FBXL5: variants seen among roughly 807,000 people sequenced by gnomAD.
FBXL5 encodes F-box/LRR-repeat protein 5.
In FBXL5, 26 loss-of-function variants were observed where a neutral mutation model predicts 78.3. The observed-to-expected ratio is 0.33, with a 90% CI of 0.24 to 0.46. The LOEUF is 0.46. Among genes scored for constraint, FBXL5 ranks in the 20% least tolerant of loss-of-function variants. FBXL5 has a pLI of 1.00. For synonymous variants in FBXL5, 295 were observed against 282.5 expected (o/e 1.04, Z -0.45); for missense variants, 710 against 829.2 (o/e 0.86, Z 1.77).
intron 10 of FBXL5, among the ~76,000 whole-genome samples, chr4:15,608,128 A>AT (rs1355060357): frequency 1.3e-5 from 2 of 152,102 alleles, no homozygotes; most frequent in Admixed American, 6.5e-5. Flanking sequence ...CTATAGTCCT[A>AT]TTTTTTTAAA....
intron 9 of FBXL5, among the ~76,000 whole-genome samples, chr4:15,621,602 C>CT (rs1454731301): frequency 2.0e-5 from 3 of 152,130 alleles, no homozygotes; most frequent in Non-Finnish European, 4.4e-5. Context: ...TTGAAACACA[C>CT]TAAGTGAAAT....
At chr4:15,615,913 C>A (rs537177072) in intron 9 of FBXL5, among the ~76,000 whole-genome samples, 1 of 152,112 alleles carries the variant, frequency 6.6e-6, no homozygotes, top group Non-Finnish European at 1.5e-5. Context: ...TTTGTTCTTT[C>A]GCTCTTTGCA....
intron 10 of FBXL5, among the ~76,000 whole-genome samples, chr4:15,606,930 T>C (rs1489406569): frequency 6.6e-6 from 1 of 152,220 alleles, no homozygotes; most frequent in East Asian, 1.9e-4. Flanking sequence ...AGTAAGCTAA[T>C]ACTACCATAA....
At chr4:15,664,194 A>C (rs1451934285), upstream of FBXL5, among the ~76,000 whole-genome samples, 1 of 152,142 alleles carries the variant, frequency 6.6e-6, no homozygotes, top group East Asian at 1.9e-4. Flanking sequence ...TATCTTAATA[A>C]GACACATAGT....
intron 1 of FBXL5, among the ~76,000 whole-genome samples, chr4:15,676,816 T>C (rs1211554975): frequency 2.0e-5 from 3 of 152,196 alleles, no homozygotes; most frequent in Non-Finnish European, 4.4e-5. Context: ...AAAGTATGAT[T>C]TTCAGTTCTG....
At chr4:15,660,923 A>G (rs1409119087), upstream of FBXL5, among the ~76,000 whole-genome samples, 1 of 152,044 alleles carries the variant, frequency 6.6e-6, no homozygotes, top group Non-Finnish European at 1.5e-5. Flanking sequence ...CTAAAAATAC[A>G]AAAATTAGCC....
At position 15,605,013 on chromosome 4, in the gene FBXL5, G is replaced by A. The variant is rs1721790910; in HGVS notation, c.*710C>T. On this transcript the variant is annotated 3_prime_UTR_variant, in exon 11 of 11. Coordinates refer to ENST00000341285, the MANE Select transcript of FBXL5 (RefSeq NM_012161.4). ...AATCACAACACAACAGTATTACTTG[G>A]TAAAGTCCTCAAAGTAGATTTTATT... 6.6e-6 allele frequency: 1 copy of A among 152,446 alleles called. No individual in the cohort carries two copies. The highest frequency in any genetic ancestry group is 2.1e-4 in the South Asian group (1 of 4,832). 9.4% of individuals were successfully genotyped at this position (152,446 alleles called of 1,614,324 possible).
intron 1 of FBXL5, among the ~76,000 whole-genome samples, chr4:15,677,443 C>T (rs185918653): frequency 1.2e-3 from 188 of 152,212 alleles, no homozygotes; most frequent in African/African-American, 4.3e-3. Flanking sequence ...CCCTAGGTAC[C>T]TTCAGGATGG....
At chr4:15,644,769 AT>A in intron 1 of FBXL5, 61 bp from the exon 2 acceptor site, 1 of 1,203,478 alleles carries the variant, frequency 8.3e-7, no homozygotes, top group East Asian at 2.5e-5. Context: ...CAAATAAAAA[AT>A]ATTCAAATAC....
intron 1 of FBXL5, among the ~76,000 whole-genome samples, chr4:15,650,657 CTTTCT>C (rs1171571383): frequency 6.0e-5 from 8 of 132,674 alleles, no homozygotes; most frequent in South Asian, 4.7e-4. Context: ...TTATAACTGA[CTTTCT>C]TTTTTTTTTT....
At chr4:15,610,312 T>G (rs1379055926) in intron 10 of FBXL5, among the ~76,000 whole-genome samples, 1 of 152,094 alleles carries the variant, frequency 6.6e-6, no homozygotes, top group Non-Finnish European at 1.5e-5. Flanking sequence ...TATGTGGAAC[T>G]CAGACACAAG....
intron 1 of FBXL5, among the ~76,000 whole-genome samples, chr4:15,649,291 T>C (rs555414477): frequency 2.4e-4 from 36 of 152,148 alleles, no homozygotes; most frequent in African/African-American, 8.7e-4. Context: ...GTTAAAAGAA[T>C]AACCAGGGCC....
chr4:15,674,762 G>A (rs1341873350), intron 1 of FBXL5, among the ~76,000 whole-genome samples: 4 of 151,404 alleles, frequency 2.6e-5, no homozygotes, highest in African/African-American at 9.7e-5. Context: ...CTATTCTCCT[G>A]CCTCAGCCTC....
At position 15,636,483 on chromosome 4, in the gene FBXL5, C is replaced by G; in HGVS notation, c.766+11G>C. 1.3e-6 allele frequency: 2 copies of G among 1,509,716 alleles called. No homozygotes were observed. The highest frequency in any genetic ancestry group is 1.8e-6 in the Non-Finnish European group (2 of 1,126,816). 93.5% of individuals were successfully genotyped at this position (1,509,716 alleles called of 1,614,324 possible). On this transcript the variant is annotated intron_variant, in intron 5 of 10. Coordinates refer to ENST00000341285, the MANE Select transcript of FBXL5 (RefSeq NM_012161.4). ...AATACATGAAAATATTTTAAAAACC[C>G]ATTTACCTACCTCTGGCCCAATGAA...
intron 1 of FBXL5, among the ~76,000 whole-genome samples, chr4:15,651,476 T>A (rs1288091139): frequency 6.6e-6 from 1 of 152,204 alleles, no homozygotes; most frequent in African/African-American, 2.4e-5. Context: ...TAAGAACTCA[T>A]TAAATTCCCT....
intron 1 of FBXL5, among the ~76,000 whole-genome samples, chr4:15,678,263 C>T (rs767023223): frequency 2.0e-5 from 3 of 152,166 alleles, no homozygotes; most frequent in Non-Finnish European, 4.4e-5. Flanking sequence ...TTCAATCTAA[C>T]AAGAATGGCT....
intron 1 of FBXL5, among the ~76,000 whole-genome samples, chr4:15,670,783 G>T (rs993279029): frequency 5.3e-5 from 8 of 151,864 alleles, no homozygotes; most frequent in Non-Finnish European, 1.0e-4. Context: ...GGTCCCTAGT[G>T]TATTTCTACC....
At chr4:15,674,706 G>C (rs1176032151) in intron 1 of FBXL5, among the ~76,000 whole-genome samples, 1 of 150,956 alleles carries the variant, frequency 6.6e-6, no homozygotes, top group Non-Finnish European at 1.5e-5. Flanking sequence ...CTGGAGTGCA[G>C]TGACGCGATC....
chr4:15,628,936 T>A (rs7693263), intron 6 of FBXL5, among the ~76,000 whole-genome samples: 4 of 152,122 alleles, frequency 2.6e-5, no homozygotes, highest in African/African-American at 9.7e-5. Flanking sequence ...TTTAAATTTT[T>A]AATTTTTTAT....
Sources: allele counts gnomAD v4.1 joint callset (sites outside exome capture counted in the v4.1 genomes callset), GRCh38; gene constraint gnomAD v4.1.1; transcripts MANE v1.5; gene names NCBI Gene and HGNC (gene_info 2026-07-23, HGNC 2026-07-21).